The following SLC22A16 variants were observed in gnomAD, a reference collection of about 807,000 sequenced individuals.
SLC22A16 encodes the protein WUGSC:RG331P03.1.
SLC22A16 carries 53 observed loss-of-function variants against 52.9 expected under a neutral mutation model. The observed-to-expected ratio is 1.00, with a 90% CI of 0.80 to 1.26. The LOEUF is 1.26. SLC22A16 is among the 50% of genes most tolerant of loss of function. SLC22A16 has a pLI of 0.00. For missense variants in SLC22A16, 726 were observed against 704.0 expected (o/e 1.03, Z -0.35); for synonymous variants, 291 against 268.8 (o/e 1.08, Z -0.81).
rs537011127 is a variant in SLC22A16, at chr6:110,432,635, G to A, written c.1422-1365C>T. Among the ~76,000 whole-genome samples the A allele has an allele frequency of 7.2e-5, 11 of 152,308 alleles. 1 individual carries two copies. In the South Asian group the frequency reaches 1.7e-3, roughly 23 times the overall value. ...CCTGATTTAGAGCAGCTTCTTCCCTGGGTCAGCCACAACGGAGCCAAAGCC... is the reference window on the plus strand; with the variant it reads ...CCTGATTTAGAGCAGCTTCTTCCCTAGGTCAGCCACAACGGAGCCAAAGCC... On this transcript the variant is annotated intron_variant, in intron 6 of 7. Coordinates refer to ENST00000368919, the MANE Select transcript of SLC22A16 (RefSeq NM_033125.4).
At chr6:110,435,513 C>A (rs1385890862) in intron 6 of SLC22A16, among the ~76,000 whole-genome samples, 3 of 152,134 alleles carry the variant, frequency 2.0e-5, no homozygotes, top group Non-Finnish European at 4.4e-5. Context: ...GTTACAGCAG[C>A]CCACTCAGAC....
At chr6:110,427,438 C>T (rs3818100) in intron 7 of SLC22A16, among the ~76,000 whole-genome samples, 50,875 of 151,862 alleles carry the variant, frequency 0.34, 8,783 homozygotes, top group East Asian at 0.42. Flanking sequence ...TAGTATCTGT[C>T]GCAAACGACT....
intron 2 of SLC22A16, among the ~76,000 whole-genome samples, chr6:110,454,658 T>A (rs1173305889): frequency 2.2e-5 from 1 of 44,508 alleles, no homozygotes; most frequent in African/African-American, 1.7e-4. Context: ...TTATATATAT[T>A]ATATATATTT....
chr6:110,427,893 G>A (rs113084799), intron 7 of SLC22A16, among the ~76,000 whole-genome samples: 162 of 152,266 alleles, frequency 1.1e-3, no homozygotes, highest in African/African-American at 3.7e-3. Context: ...TTCGGGACTG[G>A]TGGTGATTTG....
intron 2 of SLC22A16, among the ~76,000 whole-genome samples, chr6:110,450,130 T>G (rs1775318278): frequency 6.6e-6 from 1 of 151,914 alleles, no homozygotes; most frequent in African/African-American, 2.4e-5. Flanking sequence ...CCCAGCTCCA[T>G]CCCTTATTTT....
At chr6:110,469,943 A>T (rs34775212) in intron 1 of SLC22A16, among the ~76,000 whole-genome samples, 34,484 of 152,226 alleles carry the variant, frequency 0.23, 4,567 homozygotes, top group African/African-American at 0.36. Flanking sequence ...ACTGCAAAAC[A>T]TAGAAAACTG....
At chr6:110,460,225 C>A (rs778536673) in intron 1 of SLC22A16, among the ~76,000 whole-genome samples, 2 of 152,184 alleles carry the variant, frequency 1.3e-5, no homozygotes, top group Non-Finnish European at 2.9e-5. Flanking sequence ...CTCAGCTCAG[C>A]AGTTCTCACA....
intron 1 of SLC22A16, among the ~76,000 whole-genome samples, chr6:110,473,250 T>C (rs959545367): frequency 5.3e-5 from 8 of 152,244 alleles, no homozygotes; most frequent in Middle Eastern, 3.4e-3. Context: ...CCTCTATCCA[T>C]TGATGAAGGT....
intron 1 of SLC22A16, chr6:110,475,887 G>T (rs1776449278): frequency 6.6e-6 from 3 of 456,508 alleles, no homozygotes; most frequent in Non-Finnish European, 1.3e-5. Flanking sequence ...TTGGCTATGA[G>T]TCCTTGACCC....
intron 7 of SLC22A16, among the ~76,000 whole-genome samples, chr6:110,428,228 AG>A (rs1236232852): frequency 6.6e-6 from 1 of 152,188 alleles, no homozygotes; most frequent in Non-Finnish European, 1.5e-5. Flanking sequence ...TCCATAAACA[AG>A]TTTAATGGGA....
At position 110,442,330 on chromosome 6, in the gene SLC22A16, C is replaced by T; in HGVS notation, c.1097G>A (p.Trp366Ter). ...GTAGAATCCCAAACTTCCAGTGAAC[C>T]AGATTAGCCAAACGGTAAGTGTCCT... ...TKRTLTVWLI[W>*]FTGSLGFYSF... The change falls in exon 4 of 8, where the codon TGG (tryptophan) becomes TAG (stop). Residue 366 changes from tryptophan to a stop codon, truncating the protein, a stop_gained. Coordinates refer to ENST00000368919, the MANE Select transcript of SLC22A16 (RefSeq NM_033125.4). LOFTEE classifies it high-confidence loss of function. 1 of 1,614,126 alleles carries T rather than the reference C, an allele frequency of 6.2e-7. No homozygotes were observed. The highest frequency in any genetic ancestry group is 1.3e-5 in the African/African-American group (1 of 75,018).
At chr6:110,426,269 G>A (rs1752603944) in intron 7 of SLC22A16, among the ~76,000 whole-genome samples, 1 of 152,188 alleles carries the variant, frequency 6.6e-6, no homozygotes, top group African/African-American at 2.4e-5. Flanking sequence ...AGAGCCCTAA[G>A]TCAGGATCTG....
At chr6:110,475,704 G>A (rs770620148) in intron 1 of SLC22A16, among the ~76,000 whole-genome samples, 2 of 152,072 alleles carry the variant, frequency 1.3e-5, no homozygotes, top group Non-Finnish European at 2.9e-5. Flanking sequence ...CCAAATCTCC[G>A]GCCATAACGC....
chr6:110,424,948 T>C lies in SLC22A16; in HGVS notation c.1659A>G (p.Leu553=), dbSNP rs753306446. Residue 553 remains leucine, a synonymous_variant, in exon 8 of 8, where the codon TTA becomes TTG. Transcript: ENST00000368919. ...ESENESKSSK[L]LLTTNNSGLE... The stretch of plus-strand genomic sequence containing the variant: ...GCCCACTATTATTAGTTGTGAGAAG[T>C]AATTTGCTTGACTTGCTTTCATTCT... 2 of 1,614,170 alleles carry C rather than the reference T, an allele frequency of 1.2e-6. No individual in the cohort carries two copies. Among genetic ancestry groups the C allele is most frequent in the South Asian group, 1.1e-5 (1 of 91,084 alleles).
intron 2 of SLC22A16, among the ~76,000 whole-genome samples, chr6:110,450,301 G>A (rs891917138): frequency 6.6e-6 from 1 of 152,068 alleles, no homozygotes; most frequent in African/African-American, 2.4e-5. Context: ...CCATAAATGC[G>A]AGTTTTTATT....
At chr6:110,442,802 A>G (rs1481878192) in intron 3 of SLC22A16, 27 bp from the exon 4 acceptor site, 1 of 1,593,404 alleles carries the variant, frequency 6.3e-7, no homozygotes, top group South Asian at 1.1e-5. Flanking sequence ...AGGGATTTAT[A>G]TTCAAGGTCA....
intron 7 of SLC22A16, 160 bp from the exon 8 acceptor site, chr6:110,425,245 G>T: frequency 6.6e-7 from 1 of 1,517,824 alleles, no homozygotes. Flanking sequence ...ACTTGTGCTG[G>T]ACTTCGAGTT....
Position 110,456,722 on chromosome 6 carries a change from T to C in SLC22A16, c.349A>G (p.Thr117Ala), listed in dbSNP as rs748764746. Residue 117 changes from threonine (T) to alanine (A), a missense_variant, in exon 2 of 8, where the codon ACT (threonine) becomes GCT (alanine). Transcript: ENST00000368919. Reference protein sequence around the residue: ...ENTSSLGYEYTGSKKEFPCVD... With the variant: ...ENTSSLGYEYAGSKKEFPCVD... The stretch of plus-strand genomic sequence containing the variant: ...CAAGGAAACTCTTTCTTACTGCCAG[T>C]GTATTCATAGCCCAAACTCGATGTG... The C allele has an allele frequency of 5.6e-6, 9 of 1,614,120 alleles. No homozygotes were observed. Among genetic ancestry groups the C allele is most frequent in the Non-Finnish European group, 4.2e-6 (5 of 1,180,014 alleles).
At chr6:110,460,444 C>T (rs1052880465) in intron 1 of SLC22A16, among the ~76,000 whole-genome samples, 5 of 152,280 alleles carry the variant, frequency 3.3e-5, no homozygotes, top group Middle Eastern at 3.4e-3. Flanking sequence ...CAGAGACTGG[C>T]CCCTGGGGAG....
Sources: gnomAD v4.1 joint callset for allele counts (sites outside exome capture counted in the v4.1 genomes callset) on GRCh38, gnomAD v4.1.1 for gene constraint, MANE v1.5 for transcripts, NCBI Gene and HGNC (gene_info 2026-07-23, HGNC 2026-07-21) for gene names.